VAV1: variants seen among roughly 807,000 people sequenced by gnomAD.
VAV1 encodes the protein proto-oncogene vav.
In VAV1, 33 loss-of-function variants were observed where a neutral mutation model predicts 128.1. That is an observed-to-expected ratio of 0.26 (90% CI 0.20 to 0.34). VAV1 has a LOEUF of 0.34. Among genes scored for constraint, VAV1 ranks in the 10% least tolerant of loss-of-function variants. The pLI, the probability that VAV1 is intolerant of heterozygous loss-of-function variation, is 1.00. For synonymous variants in VAV1, 394 were observed against 409.8 expected (o/e 0.96, Z 0.47); for missense variants, 715 against 1,093.7 (o/e 0.65, Z 4.88).
Position 6,828,884 on chromosome 19 carries a change from C to T in VAV1, c.1249C>T (p.Arg417Cys). The T allele has an allele frequency of 1.2e-6, 2 of 1,613,986 alleles. No individual in the cohort carries two copies. Among genetic ancestry groups the T allele is most frequent in the Non-Finnish European group, 1.7e-6 (2 of 1,180,010 alleles). ...ACTCAAGATCACCTCGGTGGAACGGCGCTCCAAGATGGACAGGTGGGTGGA... is the reference window on the plus strand; with the variant it reads ...ACTCAAGATCACCTCGGTGGAACGGTGCTCCAAGATGGACAGGTGGGTGGA... ...GELKITSVER[R>C]SKMDRYAFLL... The change falls in exon 13 of 27, where the codon CGC becomes TGC. Residue 417 changes from arginine (R) to cysteine (C), a missense_variant. By Grantham distance (180) the Arg-to-Cys change is radical (BLOSUM62 -3). Transcript: ENST00000602142. The surrounding 1 kb of genome is among the most constrained non-coding windows in gnomAD (Gnocchi z 4.5).
intron 21 of VAV1, among the ~76,000 whole-genome samples, chr19:6,839,433 A>AT (rs1972316247): frequency 6.6e-6 from 1 of 151,296 alleles, no homozygotes; most frequent in Non-Finnish European, 1.5e-5. Flanking sequence ...CACCTGGCTA[A>AT]TTTTTTGTAT....
chr19:6,821,510 G>C, intron 2 of VAV1, 112 bp from the exon 3 acceptor site: 2 of 1,274,538 alleles, frequency 1.6e-6, no homozygotes, highest in Non-Finnish European at 2.3e-6. Flanking sequence ...CCTGAATTAG[G>C]CTTCCAAGAG....
intron 1 of VAV1, among the ~76,000 whole-genome samples, chr19:6,819,288 A>T (rs1971731129): frequency 6.6e-6 from 1 of 152,202 alleles, no homozygotes; most frequent in African/African-American, 2.4e-5. Flanking sequence ...GGAACATATG[A>T]ATATCCAGTC....
chr19:6,822,202 C>T lies in VAV1; in HGVS notation c.450-19C>T, dbSNP rs1356786852. Reference sequence around the variant, plus strand: ...GATCTGGGAGAGGTCCAAGGGATCCCTGACCTCACAACCCACAGCGACACG... The same window carrying T: ...GATCTGGGAGAGGTCCAAGGGATCCTTGACCTCACAACCCACAGCGACACG... On this transcript the variant is annotated intron_variant, in intron 4 of 26. Coordinates refer to ENST00000602142, the MANE Select transcript of VAV1 (RefSeq NM_005428.4). The surrounding 1 kb of genome is among the most constrained non-coding windows in gnomAD (Gnocchi z 5.9). 1 of 1,562,598 alleles carries T rather than the reference C, an allele frequency of 6.4e-7. No individual in the cohort carries two copies. The highest frequency in any genetic ancestry group is 8.7e-7 in the Non-Finnish European group (1 of 1,153,254).
At chr19:6,804,785 G>A (rs1295732920) in intron 1 of VAV1, among the ~76,000 whole-genome samples, 6 of 148,216 alleles carry the variant, frequency 4.0e-5, no homozygotes, top group African/African-American at 1.0e-4. Flanking sequence ...GTGCAGTGGC[G>A]CAATCTTGGC....
chr19:6,807,515 C>G (rs955423214), intron 1 of VAV1, among the ~76,000 whole-genome samples: 1 of 152,014 alleles, frequency 6.6e-6, no homozygotes, highest in Non-Finnish European at 1.5e-5. Context: ...GCTATGCTAG[C>G]TCACCTGCCC....
intron 1 of VAV1, among the ~76,000 whole-genome samples, chr19:6,778,754 C>G (rs1045104967): frequency 1.4e-5 from 2 of 145,278 alleles, no homozygotes; most frequent in African/African-American, 2.6e-5. Flanking sequence ...AAACAAAACC[C>G]AATTTTGCCT....
chr19:6,822,144 G>A lies in VAV1; in HGVS notation c.450-77G>A. ...ACCCTTGGAGTCTTGGGGGGACAAA[G>A]CCCTGCGCTGGGGTCTGCGGGGACC... On this transcript the variant is annotated intron_variant, in intron 4 of 26. Transcript: ENST00000602142. The surrounding 1 kb of genome is among the most constrained non-coding windows in gnomAD (Gnocchi z 5.9). 7.1e-7 allele frequency: 1 copy of A among 1,414,984 alleles called. No homozygotes were observed. The highest frequency in any genetic ancestry group is 9.7e-7 in the Non-Finnish European group (1 of 1,027,846). 87.7% of individuals were successfully genotyped at this position (1,414,984 alleles called of 1,614,324 possible).
chr19:6,842,034 C>A (rs1298418947), intron 21 of VAV1, among the ~76,000 whole-genome samples: 2 of 151,360 alleles, frequency 1.3e-5, no homozygotes, highest in African/African-American at 4.9e-5. Context: ...GAGACCAGCC[C>A]GACCAACATG....
chr19:6,804,788 A>G (rs1034215689), intron 1 of VAV1, among the ~76,000 whole-genome samples: 2 of 148,766 alleles, frequency 1.3e-5, no homozygotes, highest in Admixed American at 6.7e-5. Context: ...CAGTGGCGCA[A>G]TCTTGGCTCA....
chr19:6,783,535 C>T (rs1315669507), intron 1 of VAV1, among the ~76,000 whole-genome samples: 5 of 137,326 alleles, frequency 3.6e-5, no homozygotes, highest in Non-Finnish European at 6.0e-5. Flanking sequence ...AGTGCAATGG[C>T]GCGATCTCTG....
intron 1 of VAV1, chr19:6,784,137 T>G (rs1864751398): frequency 2.3e-5 from 12 of 525,064 alleles, no homozygotes; most frequent in Non-Finnish European, 3.8e-5. Context: ...GCCTATAGTC[T>G]CAGCTACTCA....
rs968544985 is a variant in VAV1, at chr19:6,848,399, T to TTTTTC, written c.2129+305_2129+309dup. ...GCCCTGACCTTTCTTTTTTCCCCTT[T>TTTTTC]TTTTCTTTTCTTTTCTTTTCTTTTT... On this transcript the variant is annotated intron_variant, in intron 23 of 26. Transcript: ENST00000602142. Among the ~76,000 whole-genome samples the TTTTTC allele has an allele frequency of 4.6e-4, 68 of 148,762 alleles. 2 individuals carry two copies. The highest frequency in any genetic ancestry group is 1.5e-3 in the African/African-American group (58 of 39,630).
intron 1 of VAV1, among the ~76,000 whole-genome samples, chr19:6,785,189 G>C (rs1409382727): frequency 5.9e-5 from 9 of 151,760 alleles, no homozygotes; most frequent in Admixed American, 1.3e-4. Flanking sequence ...TCTTTTTTCG[G>C]AGAAGGGGGT....
chr19:6,776,158 ACC>A (rs1970620357), intron 1 of VAV1, among the ~76,000 whole-genome samples: 1 of 52,836 alleles, frequency 1.9e-5, no homozygotes, highest in African/African-American at 6.5e-5. Context: ...TCATCTATCC[ACC>A]CATCCATCCA....
intron 21 of VAV1, among the ~76,000 whole-genome samples, chr19:6,838,414 T>C (rs1033581916): frequency 6.0e-5 from 9 of 150,380 alleles, no homozygotes; most frequent in African/African-American, 2.2e-4. Flanking sequence ...CATCCATCCA[T>C]CCATCCATCC....
intron 1 of VAV1, among the ~76,000 whole-genome samples, chr19:6,814,455 G>A (rs527373082): frequency 1.3e-5 from 2 of 151,402 alleles, no homozygotes; most frequent in South Asian, 2.1e-4. Context: ...TTTTTAATTT[G>A]TGAGTTATTT....
At position 6,833,373 on chromosome 19, in the gene VAV1, T is replaced by C. The variant is rs985346837; in HGVS notation, c.1610+88T>C. 9.7e-6 allele frequency: 14 copies of C among 1,442,260 alleles called. No individual in the cohort carries two copies. In the African/African-American group the frequency reaches 1.0e-4, roughly 10 times the overall value. 89.3% of individuals were successfully genotyped at this position (1,442,260 alleles called of 1,614,324 possible). A position where few individuals can be genotyped will look rare whatever the true frequency, so the allele number is the denominator to read the frequency against. On this transcript the variant is annotated intron_variant, in intron 16 of 26. Transcript: ENST00000602142. ...ATGGCCTAGTAATTGGTTCCCTAAA[T>C]TGGGAGATGGGGGAGTCCCTACTTT... is the stretch of plus-strand genomic sequence containing the variant.
At chr19:6,799,321 C>T (rs1971210741) in intron 1 of VAV1, among the ~76,000 whole-genome samples, 1 of 152,136 alleles carries the variant, frequency 6.6e-6, no homozygotes, top group African/African-American at 2.4e-5. Context: ...GTGTGCGCCA[C>T]CACGCCTGGC....
Sources: allele counts gnomAD v4.1 joint callset (sites outside exome capture counted in the v4.1 genomes callset), GRCh38; gene constraint gnomAD v4.1.1; non-coding constraint Gnocchi (gnomAD v3.1); transcripts MANE v1.5; gene names NCBI Gene and HGNC (gene_info 2026-07-23, HGNC 2026-07-21).